The following GUCY2C variants were observed in gnomAD, a reference collection of about 807,000 sequenced individuals.
GUCY2C encodes guanylate cyclase 2C.
GUCY2C carries 118 observed loss-of-function variants against 131.1 expected under a neutral mutation model. The observed-to-expected ratio is 0.90, with a 90% CI of 0.78 to 1.05. The LOEUF (loss-of-function observed/expected upper bound fraction) is 1.05. Among genes scored for constraint, GUCY2C ranks in the 50% least tolerant of loss-of-function variants. GUCY2C has a pLI of 0.00. For missense variants in GUCY2C, 1,161 were observed against 1,304.4 expected, an observed-to-expected ratio of 0.89 and a Z score of 1.69; for synonymous variants, 452 against 457.8, an observed-to-expected ratio of 0.99 and a Z score of 0.16.
chr12:14,691,136 A>C (rs564073730), intron 1 of GUCY2C, among the ~76,000 whole-genome samples: 1 of 152,222 alleles, frequency 6.6e-6, no homozygotes, highest in Non-Finnish European at 1.5e-5. Context: ...TTGCACTTCT[A>C]CAGCCACTTG....
At chr12:14,621,885 A>C in intron 22 of GUCY2C, 120 bp downstream of exon 22, 1 of 635,216 alleles carries the variant, frequency 1.6e-6, no homozygotes, top group Non-Finnish European at 2.6e-6. Context: ...AGATTCAACC[A>C]CCAATTCACT....
At chr12:14,645,141 G>A in intron 16 of GUCY2C, 88 bp downstream of exon 16, 1 of 724,310 alleles carries the variant, frequency 1.4e-6, no homozygotes, top group South Asian at 1.8e-5. Context: ...TACAGATGAA[G>A]AAACCAATGC....
intron 7 of GUCY2C, among the ~76,000 whole-genome samples, chr12:14,675,219 A>G (rs1565630831): frequency 6.8e-6 from 1 of 147,992 alleles, no homozygotes; most frequent in African/African-American, 2.5e-5. Flanking sequence ...AAAAAAAAAA[A>G]AAAAAAAAAA....
At chr12:14,617,363 G>A (rs988645699) in intron 24 of GUCY2C, among the ~76,000 whole-genome samples, 1 of 152,182 alleles carries the variant, frequency 6.6e-6, no homozygotes, top group African/African-American at 2.4e-5. Flanking sequence ...CCTGCGTGAT[G>A]TGATGGGGAT....
chr12:14,647,319 T>C (rs889572500), intron 15 of GUCY2C, among the ~76,000 whole-genome samples: 2 of 152,204 alleles, frequency 1.3e-5, no homozygotes, highest in Non-Finnish European at 2.9e-5. Flanking sequence ...ATTGCTCATA[T>C]ATATATGTGT....
chr12:14,667,999 C>CT lies in GUCY2C; in HGVS notation c.1282+1722dup, dbSNP rs11355096. 2.4e-3 allele frequency among the ~76,000 whole-genome samples: 183 copies of CT among 76,456 alleles called. 6 individuals are homozygous for CT. Among genetic ancestry groups the CT allele is most frequent in the Middle Eastern group, 0.01 (1 of 98 alleles). The allele number at this position is 76,456 out of a possible 152,430, so 50.2% of individuals were successfully genotyped here. A position where few individuals can be genotyped will look rare whatever the true frequency, so the allele number is the denominator to read the frequency against. Reference sequence around the variant, plus strand: ...CCATTTGTGAATATATAATAATTTTCTTTTTTTTTTTTTTTTTTTTTTGAG... The same window carrying CT: ...CCATTTGTGAATATATAATAATTTTCTTTTTTTTTTTTTTTTTTTTTTTGAG... On this transcript the variant is annotated intron_variant, in intron 10 of 26. Coordinates refer to ENST00000261170, the MANE Select transcript of GUCY2C (RefSeq NM_004963.4).
chr12:14,675,230 G>A (rs12822644), intron 7 of GUCY2C, among the ~76,000 whole-genome samples: 1,119 of 95,166 alleles, frequency 0.012, no homozygotes, highest in Middle Eastern at 0.052. Context: ...AAAAAAAAAA[G>A]AAAAAAAGAA....
intron 23 of GUCY2C, among the ~76,000 whole-genome samples, chr12:14,620,311 G>A (rs967919471): frequency 1.9e-4 from 29 of 152,208 alleles, no homozygotes; most frequent in African/African-American, 7.0e-4. Context: ...GCTGTCAACT[G>A]ATGGGACTTT....
At chr12:14,631,279 G>A (rs756822108) in intron 19 of GUCY2C, among the ~76,000 whole-genome samples, 38 of 151,892 alleles carry the variant, frequency 2.5e-4, no homozygotes, top group Non-Finnish European at 4.7e-4. Flanking sequence ...TGTGCACAAT[G>A]TGCAGGTTAG....
intron 1 of GUCY2C, among the ~76,000 whole-genome samples, chr12:14,691,798 C>T (rs971153239): frequency 2.0e-5 from 3 of 152,174 alleles, no homozygotes; most frequent in Non-Finnish European, 4.4e-5. Flanking sequence ...AAGTGACTTC[C>T]CTACTGGGCC....
chr12:14,619,261 A>G lies in GUCY2C; in HGVS notation c.2825T>C (p.Leu942Pro), dbSNP rs1946844724. 1.2e-6 allele frequency: 2 copies of G among 1,613,016 alleles called. No homozygotes were observed. The highest frequency in any genetic ancestry group is 1.7e-6 in the Non-Finnish European group (2 of 1,179,126). ...GGCTGTGTTGACCGTATCTCCAAAT[A>G]GACAATAACGAGGCATCTTGATTCC... ...VVGIKMPRYC[L>P]FGDTVNTASR... The change falls in exon 24 of 27, where the codon CTA becomes CCA. Residue 942 changes from leucine to proline, a missense_variant. Leu to Pro is a moderately conservative substitution (Grantham distance 98). Coordinates refer to ENST00000261170, the MANE Select transcript of GUCY2C (RefSeq NM_004963.4).
rs529142402 is a variant in GUCY2C at position 14,619,111 on chromosome 12, C to T, written c.2875+100G>A. The T allele has an allele frequency of 4.5e-6, 3 of 669,762 alleles. No individual in the cohort carries two copies. In the East Asian group the frequency reaches 7.7e-5, roughly 17 times the overall value. The allele number at this position is 669,762 out of a possible 1,614,324, so 41.5% of individuals were successfully genotyped here. On this transcript the variant is annotated intron_variant, in intron 24 of 26. Transcript: ENST00000261170. The stretch of plus-strand genomic sequence containing the variant: ...ATGTGAAGAATTATTCTACATCTCA[C>T]TGGCACTTTGTATCTCCTTATTGTG...
At chr12:14,686,417 AAC>A (rs1395935971) in intron 2 of GUCY2C, among the ~76,000 whole-genome samples, 192 bp from the exon 3 acceptor site, 1 of 152,172 alleles carries the variant, frequency 6.6e-6, no homozygotes, top group Non-Finnish European at 1.5e-5. Context: ...CGAGAGGGAA[AAC>A]ACACTACAGG....
intron 14 of GUCY2C, 80 bp downstream of exon 14, chr12:14,651,879 C>G: frequency 1.3e-6 from 1 of 773,788 alleles, no homozygotes; most frequent in Admixed American, 2.3e-5. Context: ...CTGTCAGCCT[C>G]TTACTCCACC....
rs1947006788 is a variant in GUCY2C, at chr12:14,626,042, A to G, written c.2250-127T>C. ...AAAAATAAAAGCCAACAAACATAACAAAAAAACTCAACCTCATCCGGGCAC... is the reference window on the plus strand; with the variant it reads ...AAAAATAAAAGCCAACAAACATAACGAAAAAACTCAACCTCATCCGGGCAC... On this transcript the variant is annotated intron_variant, in intron 20 of 26. Coordinates refer to ENST00000261170, the MANE Select transcript of GUCY2C (RefSeq NM_004963.4). 4 of 646,798 alleles carry G rather than the reference A, an allele frequency of 6.2e-6. No individual in the cohort carries two copies. In the Admixed American group the frequency reaches 1.2e-4, roughly 19 times the overall value. 40.1% of individuals were successfully genotyped at this position (646,798 alleles called of 1,614,324 possible).
intron 23 of GUCY2C, among the ~76,000 whole-genome samples, chr12:14,620,152 GGCCTGAGGCT>G (rs1946862476): frequency 6.6e-6 from 1 of 152,108 alleles, no homozygotes; most frequent in South Asian, 2.1e-4. Context: ...AACTAAGTTT[GGCCTGAGGCT>G]GCCTCTTAGG....
At position 14,619,206 on chromosome 12, in the gene GUCY2C, C is replaced by G; in HGVS notation, c.2875+5G>C. The G allele has an allele frequency of 6.4e-7, 1 of 1,552,910 alleles. No individual in the cohort carries two copies. Among genetic ancestry groups the G allele is most frequent in the South Asian group, 1.1e-5 (1 of 89,628 alleles). On this transcript the variant is annotated splice_donor_5th_base_variant and intron_variant, in intron 24 of 26. Transcript: ENST00000261170. Reference sequence around the variant, plus strand: ...TCCTCTGAGAAAAACAGTCTCCCTTCTTACGGAGGCCAGTGGATTCCATCC... The same window carrying G: ...TCCTCTGAGAAAAACAGTCTCCCTTGTTACGGAGGCCAGTGGATTCCATCC...
intron 4 of GUCY2C, among the ~76,000 whole-genome samples, chr12:14,682,398 A>G (rs1948365193): frequency 6.6e-6 from 1 of 152,076 alleles, no homozygotes; most frequent in African/African-American, 2.4e-5. Flanking sequence ...CCTTCCTGCC[A>G]CCTTTTGAAG....
chr12:14,641,789 T>C (rs1019430864), intron 17 of GUCY2C, among the ~76,000 whole-genome samples: 3 of 151,982 alleles, frequency 2.0e-5, no homozygotes, highest in African/African-American at 7.3e-5. Context: ...ATACAAAAAT[T>C]AGCCAGGCGT....
Sources: allele counts gnomAD v4.1 joint callset (sites outside exome capture counted in the v4.1 genomes callset), GRCh38; gene constraint gnomAD v4.1.1; transcripts MANE v1.5; gene names NCBI Gene and HGNC (gene_info 2026-07-23, HGNC 2026-07-21).